LRRC49: variants seen among roughly 807,000 people sequenced by gnomAD.
The protein encoded by LRRC49 is leucine-rich repeat-containing protein 49.
A neutral mutation model predicts 83.3 loss-of-function variants in LRRC49; 50 were observed. The observed-to-expected ratio is 0.60, with a 90% CI of 0.48 to 0.76. LRRC49 has a LOEUF of 0.76. LRRC49 is among the 30% of genes least tolerant of loss of function. The pLI, the probability that LRRC49 is intolerant of heterozygous loss-of-function variation, is 0.00. For missense variants in LRRC49, 704 were observed against 809.1 expected (o/e 0.87, Z 1.58); for synonymous variants, 286 against 283.3 (o/e 1.01, Z -0.10).
chr15:70,989,422 C>G (rs1353326072), intron 11 of LRRC49, among the ~76,000 whole-genome samples: 1 of 152,184 alleles, frequency 6.6e-6, no homozygotes, highest in Non-Finnish European at 1.5e-5. Context: ...CAGTTGATCG[C>G]ATCGGCTCCT....
At chr15:70,995,421 G>GATAACA (rs202199968) in intron 11 of LRRC49, among the ~76,000 whole-genome samples, 1,627 of 152,280 alleles carry the variant, frequency 0.011, 12 homozygotes, top group Non-Finnish European at 0.019. Context: ...AGCCATTGTT[G>GATAACA]TGGTTATCAG....
chr15:70,978,482 G>T (rs1399657386), intron 9 of LRRC49, among the ~76,000 whole-genome samples: 1 of 152,190 alleles, frequency 6.6e-6, no homozygotes, highest in African/African-American at 2.4e-5. Context: ...CCTCAAGGGG[G>T]CTAGAAGTGC....
chr15:71,010,759 A>G (rs919750793), intron 13 of LRRC49, among the ~76,000 whole-genome samples: 2 of 152,022 alleles, frequency 1.3e-5, no homozygotes, highest in African/African-American at 4.8e-5. Flanking sequence ...TTGGAAGGAA[A>G]GAGAGAAGCT....
chr15:70,885,765 C>T (rs952026878), intron 2 of LRRC49, among the ~76,000 whole-genome samples: 3 of 152,076 alleles, frequency 2.0e-5, no homozygotes, highest in Non-Finnish European at 2.9e-5. Flanking sequence ...AATTCAAAAT[C>T]GCAGTGGAAG....
At chr15:70,860,296 G>T (rs2032758448) in intron 1 of LRRC49, 3 of 532,714 alleles carry the variant, frequency 5.6e-6, no homozygotes, top group Non-Finnish European at 1.0e-5. Context: ...CCCACCCGCG[G>T]GGGAGTTTAC....
intron 15 of LRRC49, among the ~76,000 whole-genome samples, chr15:71,041,720 A>G (rs1441253): frequency 5.8e-4 from 88 of 152,316 alleles, no homozygotes; most frequent in African/African-American, 2.0e-3. Context: ...CAATGAAAAT[A>G]CCAAAAACTT....
At chr15:70,956,424 C>T (rs2036403174) in intron 8 of LRRC49, among the ~76,000 whole-genome samples, 1 of 150,724 alleles carries the variant, frequency 6.6e-6, no homozygotes, top group Non-Finnish European at 1.5e-5. Context: ...AGTTAAATGT[C>T]AGCCTTTGGA....
At chr15:70,864,426 A>T (rs570898776) in intron 1 of LRRC49, among the ~76,000 whole-genome samples, 169 of 151,762 alleles carry the variant, frequency 1.1e-3, no homozygotes, top group African/African-American at 3.9e-3. Context: ...GGAGTTCCCA[A>T]GGGGAGAGGT....
At chr15:70,898,957 GTTA>G (rs975837737) in intron 3 of LRRC49, among the ~76,000 whole-genome samples, 2 of 152,024 alleles carry the variant, frequency 1.3e-5, no homozygotes, top group Non-Finnish European at 2.9e-5. Flanking sequence ...CTGGTTCCCA[GTTA>G]TTTAGAAGGT....
intron 15 of LRRC49, among the ~76,000 whole-genome samples, chr15:71,046,915 A>G (rs926431263): frequency 1.5e-4 from 23 of 152,202 alleles, no homozygotes; most frequent in African/African-American, 5.1e-4. Context: ...ATGGCTAGCC[A>G]GTTATCTCAG....
chr15:71,032,089 C>T (rs2039375536), intron 14 of LRRC49, among the ~76,000 whole-genome samples: 1 of 152,146 alleles, frequency 6.6e-6, no homozygotes, highest in African/African-American at 2.4e-5. Context: ...AACAGCTGCC[C>T]AGTTTTGTGC....
intron 2 of LRRC49, among the ~76,000 whole-genome samples, chr15:70,873,686 A>G (rs1200237893): frequency 6.6e-6 from 1 of 152,178 alleles, no homozygotes; most frequent in East Asian, 1.9e-4. Flanking sequence ...AGTCTCCTCC[A>G]TAGGGGGCTA....
At chr15:70,898,494 G>T (rs2033930080) in intron 3 of LRRC49, 2 of 687,730 alleles carry the variant, frequency 2.9e-6, no homozygotes, top group East Asian at 2.7e-5. Flanking sequence ...ATAATAACAG[G>T]CCGGTTGCTA....
intron 11 of LRRC49, among the ~76,000 whole-genome samples, chr15:71,007,566 T>A (rs2038499366): frequency 2.0e-5 from 3 of 151,716 alleles, no homozygotes; most frequent in African/African-American, 7.2e-5. Context: ...AATAGTTATG[T>A]CTCTATTCAC....
chr15:70,864,405 A>G (rs2032866710), intron 1 of LRRC49, among the ~76,000 whole-genome samples: 1 of 151,626 alleles, frequency 6.6e-6, no homozygotes, highest in East Asian at 2.0e-4. Context: ...GAGAGGGAAG[A>G]GCAGGGCCCT....
intron 2 of LRRC49, among the ~76,000 whole-genome samples, chr15:70,895,170 G>C (rs2033778218): frequency 6.6e-6 from 1 of 152,090 alleles, no homozygotes; most frequent in African/African-American, 2.4e-5. Flanking sequence ...ATTAATTCAA[G>C]ATACATATTT....
intron 7 of LRRC49, among the ~76,000 whole-genome samples, chr15:70,935,871 C>G (rs1486156252): frequency 6.6e-6 from 1 of 152,106 alleles, no homozygotes; most frequent in Non-Finnish European, 1.5e-5. Context: ...CACCCTTATT[C>G]TCCCCCTGTA....
At chr15:70,895,038 C>T (rs1228250478) in intron 2 of LRRC49, among the ~76,000 whole-genome samples, 1 of 152,068 alleles carries the variant, frequency 6.6e-6, no homozygotes, top group Non-Finnish European at 1.5e-5. Context: ...TTTTCCAAAC[C>T]ATTCACTTTC....
chr15:70,879,119 C>G (rs559847325), intron 2 of LRRC49, among the ~76,000 whole-genome samples: 12 of 152,176 alleles, frequency 7.9e-5, no homozygotes, highest in Non-Finnish European at 1.5e-4. Flanking sequence ...ATTCCTTTAA[C>G]AGATATAGGC....
Sources: gnomAD v4.1 joint callset for allele counts (sites outside exome capture counted in the v4.1 genomes callset) on GRCh38, gnomAD v4.1.1 for gene constraint, MANE v1.5 for transcripts, NCBI Gene and HGNC (gene_info 2026-07-23, HGNC 2026-07-21) for gene names.